The following SF1 variants were observed in gnomAD, a reference collection of about 807,000 sequenced individuals.
The protein encoded by SF1 is branch point-binding protein.
Under a neutral mutation model 62.5 loss-of-function variants are expected in SF1, and 7 were observed. That is an observed-to-expected ratio of 0.11 (90% CI 0.06 to 0.21). The LOEUF (loss-of-function observed/expected upper bound fraction) is 0.21. SF1 is among the 10% of genes least tolerant of loss of function. SF1 has a pLI of 1.00. For missense variants in SF1, 578 were observed against 884.0 expected (o/e 0.65, Z 4.39); for synonymous variants, 394 against 323.6 (o/e 1.22, Z -2.33).
intron 2 of SF1, among the ~76,000 whole-genome samples, chr11:64,775,485 T>C (rs1358784767): frequency 1.3e-5 from 2 of 152,306 alleles, no homozygotes; most frequent in African/African-American, 4.8e-5. Flanking sequence ...TTAGTAGTAC[T>C]GTGAAAGGAG....
Position 64,776,641 on chromosome 11 carries a change from CA to C in SF1, c.32-16del. On this transcript the variant is annotated splice_polypyrimidine_tract_variant and intron_variant, in intron 1 of 12. Transcript: ENST00000377390. ...ACTTGGGAAGTCTAAAAGGCAGAGA[CA>C]AAATCCATCCGATGTAAATACAAGT... 1 of 1,605,124 alleles carries C rather than the reference CA, an allele frequency of 6.2e-7. No homozygotes were observed. Among genetic ancestry groups the C allele is most frequent in the Non-Finnish European group, 8.5e-7 (1 of 1,177,630 alleles).
chr11:64,768,004 C>A, intron 9 of SF1, 102 bp downstream of exon 9: 1 of 1,449,170 alleles, frequency 6.9e-7, no homozygotes, highest in South Asian at 1.3e-5. Context: ...TGTTGCCATC[C>A]ACATCCATTG....
chr11:64,767,312 C>T, intron 10 of SF1, 61 bp from the exon 11 acceptor site: 3 of 1,484,074 alleles, frequency 2.0e-6, no homozygotes, highest in Non-Finnish European at 2.8e-6. Context: ...GGAAGCCACC[C>T]CTGTGATAAC....
intron 10 of SF1, 97 bp downstream of exon 10, chr11:64,767,474 C>T (rs1455197287): frequency 1.5e-6 from 2 of 1,308,340 alleles, no homozygotes; most frequent in Non-Finnish European, 2.1e-6. Context: ...CAGCACATTG[C>T]CCAGCCACTT....
rs2135887234 is a variant in SF1 at position 64,766,922 on chromosome 11, A to G, written c.1560T>C (p.Ser520=). ...PPPPSSSMAS[S]TPLPWQQNTT... is the part of the protein sequence containing the mutation. ...CACTTTGCTGCCATGGCAAGGGGGT[A>G]CTGGAAGCCATACTGCTGCTGGGCG... Residue 520 remains serine (S), a synonymous_variant, in exon 12 of 13, where the codon AGT becomes AGC. Coordinates refer to ENST00000377390, the MANE Select transcript of SF1 (RefSeq NM_004630.4). 1 of 1,194,904 alleles carries G rather than the reference A, an allele frequency of 8.4e-7. No homozygotes were observed. The highest frequency in any genetic ancestry group is 3.2e-5 in the Admixed American group (1 of 31,540). 74.0% of individuals were successfully genotyped at this position (1,194,904 alleles called of 1,614,324 possible).
rs571569373 is a variant in SF1 at position 64,767,138 on chromosome 11, A to T, written c.1402+54T>A. The T allele has an allele frequency of 2.4e-5, 38 of 1,612,280 alleles. No individual in the cohort carries two copies. The African/African-American group carries it at 4.8e-4, about 20-fold the overall frequency. Reference sequence around the variant, plus strand: ...GGGAAAGGCGGGGACTTGGGCCAGAACCCCCACTCACCCAAGCCTAGGTGA... The same window carrying T: ...GGGAAAGGCGGGGACTTGGGCCAGATCCCCCACTCACCCAAGCCTAGGTGA... On this transcript the variant is annotated intron_variant, in intron 11 of 12. Coordinates refer to ENST00000377390, the MANE Select transcript of SF1 (RefSeq NM_004630.4).
At position 64,767,030 on chromosome 11, in the gene SF1, AGGCGGCGGC is replaced by A. The variant is rs71581802; in HGVS notation, c.1443_1451del (p.Pro483_Pro485del). The A allele has an allele frequency of 8.4e-6, 13 of 1,543,126 alleles. No homozygotes were observed. The highest frequency in any genetic ancestry group is 5.0e-5 in the South Asian group (4 of 80,476). On this transcript the variant is annotated inframe_deletion, in exon 12 of 13. Coordinates refer to ENST00000377390, the MANE Select transcript of SF1 (RefSeq NM_004630.4). The stretch of plus-strand genomic sequence containing the variant: ...GAGGGGGTGGGGGCTGCCCACTGGG[AGGCGGCGGC>A]GGCGGCGGCATCATGCCCATAGGTG...
At chr11:64,772,572 T>A (rs901805035) in intron 3 of SF1, 1 of 985,244 alleles carries the variant, frequency 1.0e-6, no homozygotes, top group Non-Finnish European at 1.2e-6. Flanking sequence ...AACACTACTT[T>A]TTAAAGCAAA....
rs1272523557 is a variant in SF1 at position 64,767,740 on chromosome 11, T to C, written c.1173A>G (p.Gly391=). 2.5e-6 allele frequency: 4 copies of C among 1,612,858 alleles called. No homozygotes were observed. Among genetic ancestry groups the C allele is most frequent in the Non-Finnish European group, 3.4e-6 (4 of 1,179,554 alleles). Residue 391 remains glycine (G), a synonymous_variant, in exon 10 of 13, where the codon GGA becomes GGG. Coordinates refer to ENST00000377390, the MANE Select transcript of SF1 (RefSeq NM_004630.4). The part of the protein sequence containing the change: ...GMHGGGPGGP[G]GGPHSFPHPL... ...GGTGTGGGAAGCTGTGGGGGCCACC[T>C]CCGGGCCCACCAGGACCACCTCCAT...
Position 64,766,903 on chromosome 11 carries a change from G to T in SF1, c.1579C>A (p.Gln527Lys). ...AAGCCCAAAATATTCTACTCACTTT[G>T]CTGCCATGGCAAGGGGGTACTGGAA... ...MASSTPLPWQQNTTTTTTSAG... is the reference protein window; with the variant it reads ...MASSTPLPWQKNTTTTTTSAG... The change falls in exon 12 of 13, where the codon CAA becomes AAA. Residue 527 changes from glutamine (Q) to lysine (K), a missense_variant. Transcript: ENST00000377390. 4.0e-6 allele frequency: 4 copies of T among 993,772 alleles called. No homozygotes were observed. The highest frequency in any genetic ancestry group is 2.6e-5 in the South Asian group (1 of 39,150). The allele number at this position is 993,772 out of a possible 1,614,324, so 61.6% of individuals were successfully genotyped here.
rs1247776491 is a variant in SF1 at position 64,778,450 on chromosome 11, G to A, written c.-58C>T. On this transcript the variant is annotated 5_prime_UTR_variant, in exon 1 of 13. Coordinates refer to ENST00000377390, the MANE Select transcript of SF1 (RefSeq NM_004630.4). ...TTTCCTCTGCGGCGGCTTCTCCTTC[G>A]CAAGCCTCCCGGGGGGAGGGGACCC... 14 of 1,214,874 alleles carry A rather than the reference G, an allele frequency of 1.2e-5. No individual in the cohort carries two copies. The highest frequency in any genetic ancestry group is 1.4e-5 in the Non-Finnish European group (14 of 975,894). 75.3% of individuals were successfully genotyped at this position (1,214,874 alleles called of 1,614,324 possible).
intron 10 of SF1, 120 bp from the exon 11 acceptor site, chr11:64,767,371 C>G: frequency 8.9e-7 from 1 of 1,122,298 alleles, no homozygotes; most frequent in Non-Finnish European, 1.3e-6. Context: ...CTGTAAAAGG[C>G]AGGTCTGTGC....
chr11:64,777,844 G>A (rs972055856), intron 1 of SF1: 5 of 942,424 alleles, frequency 5.3e-6, no homozygotes, highest in Non-Finnish European at 6.3e-6. Flanking sequence ...GGCCGCGCGC[G>A]CCCAGGGGCG....
intron 2 of SF1, among the ~76,000 whole-genome samples, chr11:64,775,051 C>T (rs1938962208): frequency 6.6e-6 from 1 of 151,984 alleles, no homozygotes; most frequent in African/African-American, 2.4e-5. Context: ...CATGGTTCCC[C>T]AAGCTCCTTT....
intron 1 of SF1, chr11:64,778,075 C>T: frequency 2.0e-6 from 2 of 976,164 alleles, no homozygotes; most frequent in South Asian, 4.6e-5. Flanking sequence ...GCTGGTAGAG[C>T]GGCGGCGGAG....
chr11:64,771,395 A>G, intron 3 of SF1: 1 of 907,618 alleles, frequency 1.1e-6, no homozygotes, highest in Non-Finnish European at 1.3e-6. Flanking sequence ...TAGCAGCTGC[A>G]AGAAGGGAAG....
chr11:64,768,479 A>G (rs1937717838), intron 8 of SF1, among the ~76,000 whole-genome samples, 193 bp from the exon 9 acceptor site: 1 of 152,228 alleles, frequency 6.6e-6, no homozygotes, highest in South Asian at 2.1e-4. Flanking sequence ...CCAGTTCTGC[A>G]TCTGGGATCA....
At chr11:64,772,187 TATCC>T (rs1938429251) in intron 3 of SF1, 1 of 985,348 alleles carries the variant, frequency 1.0e-6, no homozygotes. Context: ...TAATCCCAGT[TATCC>T]AGGAAGCAAA....
At chr11:64,777,594 T>A (rs1168633026) in intron 1 of SF1, 1 of 985,354 alleles carries the variant, frequency 1.0e-6, no homozygotes, top group Non-Finnish European at 1.2e-6. Context: ...AGGGAGTCGC[T>A]GCACGTCATC....
Sources: allele counts gnomAD v4.1 joint callset (sites outside exome capture counted in the v4.1 genomes callset), GRCh38; gene constraint gnomAD v4.1.1; transcripts MANE v1.5; gene names NCBI Gene and HGNC (gene_info 2026-07-23, HGNC 2026-07-21).